Variants in TECTA observed in about 807,000 individuals in gnomAD.
TECTA encodes alpha-tectorin.
Under a neutral mutation model 216.8 loss-of-function variants are expected in TECTA, and 128 were observed. That is an observed-to-expected ratio of 0.59 (90% CI 0.51 to 0.68). The LOEUF is 0.68. TECTA is among the 30% of genes least tolerant of loss of function. The probability of loss-of-function intolerance (pLI) is 0.00; values close to 1 mark genes in which losing one functional copy is unlikely to be tolerated. For synonymous variants in TECTA, 1,089 were observed against 1,117.1 expected (o/e 0.97, Z 0.50); for missense variants, 2,551 against 2,786.2 (o/e 0.92, Z 1.90).
chr11:121,171,825 G>T (rs1238275532), intron 20 of TECTA, among the ~76,000 whole-genome samples: 2 of 151,938 alleles, frequency 1.3e-5, no homozygotes, highest in Non-Finnish European at 2.9e-5. Flanking sequence ...GAATCTTTAG[G>T]TTTTTCTGTA....
At chr11:121,112,228 T>C (rs917701791) in intron 4 of TECTA, among the ~76,000 whole-genome samples, 1 of 152,252 alleles carries the variant, frequency 6.6e-6, no homozygotes, top group Admixed American at 6.5e-5. Flanking sequence ...AAGTTTCATA[T>C]GAATTTAAGC....
chr11:121,152,866 T>A lies in TECTA; in HGVS notation c.4106-15T>A. The A allele has an allele frequency of 6.3e-7, 1 of 1,591,160 alleles. No individual in the cohort carries two copies. The highest frequency in any genetic ancestry group is 8.6e-7 in the Non-Finnish European group (1 of 1,162,560). On this transcript the variant is annotated splice_polypyrimidine_tract_variant and intron_variant, in intron 12 of 23. Transcript: ENST00000392793. ...TTGTGATCGTGCGAGTCTTGACTTGTCTCTCTTGTTCCAGCTGTCACCTGC... is the reference window on the plus strand; with the variant it reads ...TTGTGATCGTGCGAGTCTTGACTTGACTCTCTTGTTCCAGCTGTCACCTGC...
At chr11:121,106,562 T>A (rs139494563) in intron 3 of TECTA, among the ~76,000 whole-genome samples, 2,510 of 152,166 alleles carry the variant, frequency 0.016, 118 homozygotes, top group Admixed American at 0.1. Context: ...TTGTTTTTGG[T>A]TTTTTGGATC....
intron 13 of TECTA, 141 bp from the exon 14 acceptor site, chr11:121,157,700 T>C: frequency 1.7e-6 from 2 of 1,160,480 alleles, no homozygotes; most frequent in Non-Finnish European, 2.5e-6. Context: ...TGAGGCCGTT[T>C]CCCCACTGCT....
intron 13 of TECTA, 65 bp from the exon 14 acceptor site, chr11:121,157,776 T>C: frequency 1.2e-6 from 2 of 1,610,542 alleles, no homozygotes; most frequent in Admixed American, 1.7e-5. Context: ...CGAGGGGGAC[T>C]GGGCTTTCGG....
intron 11 of TECTA, among the ~76,000 whole-genome samples, chr11:121,139,407 G>A (rs620164): frequency 0.33 from 49,713 of 152,094 alleles, 11,870 homozygotes; most frequent in African/African-American, 0.68. Context: ...AAATGAATGA[G>A]TGAGGCTGAG....
intron 7 of TECTA, 40 bp downstream of exon 7, chr11:121,118,758 T>A: frequency 2.5e-6 from 4 of 1,610,566 alleles, no homozygotes; most frequent in Non-Finnish European, 3.4e-6. Context: ...ATGGAGAAGC[T>A]GGAGATTCTT....
intron 11 of TECTA, 46 bp from the exon 12 acceptor site, chr11:121,145,489 GTTAGGAGAAGAGCTGGGAAA>G: frequency 6.4e-7 from 1 of 1,558,964 alleles, no homozygotes; most frequent in East Asian, 2.2e-5. Flanking sequence ...GAGACTCATC[GTTAGGAGAAGAGCTGGGAAA>G]TCTCTGGGCC....
chr11:121,134,351 ACACACT>A, intron 10 of TECTA, among the ~76,000 whole-genome samples: 1 of 150,040 alleles, frequency 6.7e-6, no homozygotes, highest in East Asian at 2.0e-4. Context: ...ACACACACGC[ACACACT>A]TCTTTTTAAC....
At chr11:121,122,909 T>C (rs1191035827) in intron 7 of TECTA, among the ~76,000 whole-genome samples, 1 of 151,898 alleles carries the variant, frequency 6.6e-6, no homozygotes, top group Non-Finnish European at 1.5e-5. Context: ...GGAAGAGTTT[T>C]GAAGTACATT....
intron 15 of TECTA, among the ~76,000 whole-genome samples, chr11:121,161,762 TATCA>T (rs563929965): frequency 3.3e-5 from 5 of 151,566 alleles, no homozygotes; most frequent in Non-Finnish European, 7.4e-5. Context: ...ATATCAATCA[TATCA>T]ATCAATTATG....
At chr11:121,153,544 C>A (rs1428341315) in intron 13 of TECTA, among the ~76,000 whole-genome samples, 1 of 152,164 alleles carries the variant, frequency 6.6e-6, no homozygotes, top group Admixed American at 6.5e-5. Flanking sequence ...CTTCCCTCTT[C>A]TGTCTGTTGA....
At chr11:121,168,330 A>T in intron 19 of TECTA, 113 bp downstream of exon 19, 1 of 1,411,826 alleles carries the variant, frequency 7.1e-7, no homozygotes, top group Non-Finnish European at 1.0e-6. Flanking sequence ...AACATAATTC[A>T]CGTTTCTTGA....
chr11:121,146,127 CTCG>C lies in TECTA; in HGVS notation c.4105+13_4105+15del. The C allele has an allele frequency of 1.2e-6, 2 of 1,603,840 alleles. No homozygotes were observed. The highest frequency in any genetic ancestry group is 2.2e-5 in the South Asian group (2 of 91,050). ...ATTACACGTCCTGCAGTGAGTCCTT[CTCG>C]TTGTCCCTCCTTGTAGCTTCTCCTC... On this transcript the variant is annotated intron_variant, in intron 12 of 23. Transcript: ENST00000392793.
chr11:121,146,171 G>A, intron 12 of TECTA, 55 bp downstream of exon 12: 1 of 1,590,664 alleles, frequency 6.3e-7, no homozygotes, highest in Non-Finnish European at 8.5e-7. Flanking sequence ...TGATTGCTCT[G>A]GGAAGGCCAG....
intron 12 of TECTA, among the ~76,000 whole-genome samples, chr11:121,148,459 T>G (rs938304207): frequency 6.6e-6 from 1 of 152,104 alleles, no homozygotes; most frequent in African/African-American, 2.4e-5. Flanking sequence ...GAGGGTGTGG[T>G]TGGAGGCAGC....
At chr11:121,132,138 G>A (rs1051445449) in intron 10 of TECTA, among the ~76,000 whole-genome samples, 1 of 152,112 alleles carries the variant, frequency 6.6e-6, no homozygotes, top group African/African-American at 2.4e-5. Flanking sequence ...TTTGTGAAAT[G>A]GCAATTTTTT....
At chr11:121,169,973 G>T (rs1367815348) in intron 20 of TECTA, among the ~76,000 whole-genome samples, 1 of 152,062 alleles carries the variant, frequency 6.6e-6, no homozygotes, top group African/African-American at 2.4e-5. Flanking sequence ...TTATCTAAAT[G>T]CACGTTTGTA....
At chr11:121,177,742 A>G (rs1046603387) in intron 20 of TECTA, among the ~76,000 whole-genome samples, 1 of 152,210 alleles carries the variant, frequency 6.6e-6, no homozygotes, top group Admixed American at 6.5e-5. Flanking sequence ...TGCAGTGGTT[A>G]CTGCTGTCTT....
Sources: allele counts gnomAD v4.1 joint callset (sites outside exome capture counted in the v4.1 genomes callset), GRCh38; gene constraint gnomAD v4.1.1; transcripts MANE v1.5; gene names NCBI Gene and HGNC (gene_info 2026-07-23, HGNC 2026-07-21).